The following TRIM44 variants were observed in gnomAD, a reference collection of about 807,000 sequenced individuals.
TRIM44 encodes tripartite motif containing 44, also known as tripartite motif-containing protein 44.
TRIM44 carries 13 observed loss-of-function variants against 37.4 expected under a neutral mutation model. That is an observed-to-expected ratio of 0.35 (90% CI 0.23 to 0.55). TRIM44 has a LOEUF of 0.55. Ranked by LOEUF, TRIM44 falls within the 20% of genes least tolerant of loss-of-function variation. The pLI is 0.89. For missense variants in TRIM44, 426 were observed against 437.2 expected, an observed-to-expected ratio of 0.97 and a Z score of 0.23; for synonymous variants, 175 against 157.2, an observed-to-expected ratio of 1.11 and a Z score of -0.85.
At chr11:35,676,921 G>A (rs190749163) in intron 1 of TRIM44, among the ~76,000 whole-genome samples, 1 of 152,214 alleles carries the variant, frequency 6.6e-6, no homozygotes, top group African/African-American at 2.4e-5. Flanking sequence ...TGAATTTTGA[G>A]ACTGTTGTTT....
rs533690046 is a variant in TRIM44 at position 35,758,391 on chromosome 11, G to A, written c.1007+22946G>A. Among the ~76,000 whole-genome samples the A allele has an allele frequency of 1.6e-4, 25 of 152,264 alleles. No homozygotes were observed. In the South Asian group the frequency reaches 2.9e-3, roughly 18 times the overall value. ...ATCCCTTTATTTTGAGCCTATGTGT[G>A]TCTCTGCATGTGAGATGGGTTTCCT... On this transcript the variant is annotated intron_variant, in intron 4 of 4. Coordinates refer to ENST00000299413, the MANE Select transcript of TRIM44 (RefSeq NM_017583.6).
intron 3 of TRIM44, among the ~76,000 whole-genome samples, chr11:35,731,803 T>C (rs1241084574): frequency 6.6e-6 from 1 of 152,190 alleles, no homozygotes; most frequent in East Asian, 1.9e-4. Context: ...GGGTAAACCA[T>C]TAAAAATGAT....
At chr11:35,723,504 G>A (rs1038998977) in intron 2 of TRIM44, among the ~76,000 whole-genome samples, 26 of 152,284 alleles carry the variant, frequency 1.7e-4, no homozygotes, top group African/African-American at 5.3e-4. Flanking sequence ...GTGGGAAAAA[G>A]GCATAAAGGT....
At chr11:35,710,452 A>G (rs1428960758) in intron 2 of TRIM44, among the ~76,000 whole-genome samples, 1 of 152,186 alleles carries the variant, frequency 6.6e-6, no homozygotes, top group Non-Finnish European at 1.5e-5. Flanking sequence ...CAAGAGAAAA[A>G]CAAGTTTATT....
intron 2 of TRIM44, among the ~76,000 whole-genome samples, chr11:35,696,705 GGCATCATGGT>G (rs1255625669): frequency 1.3e-5 from 2 of 151,744 alleles, no homozygotes; most frequent in Admixed American, 6.6e-5. Context: ...AAATTAGCTG[GGCATCATGGT>G]GCATGCCTGT....
chr11:35,700,959 A>G (rs1355974274), intron 2 of TRIM44, among the ~76,000 whole-genome samples: 2 of 152,212 alleles, frequency 1.3e-5, no homozygotes, highest in East Asian at 3.8e-4. Flanking sequence ...CACACACGAT[A>G]CATGTATAAC....
rs1326685614 is a variant in TRIM44 at position 35,811,319 on chromosome 11, T to G, written c.*4934T>G. On this transcript the variant is annotated 3_prime_UTR_variant, in exon 5 of 5. Transcript: ENST00000299413. Reference sequence around the variant, plus strand: ...CCTAGATTACATTTTATGAGCAACTTAGATTATAACCTAAAGAATACTTGG... The same window carrying G: ...CCTAGATTACATTTTATGAGCAACTGAGATTATAACCTAAAGAATACTTGG... 6.6e-6 allele frequency: 1 copy of G among 152,196 alleles called. No homozygotes were observed. Among genetic ancestry groups the G allele is most frequent in the Non-Finnish European group, 1.5e-5 (1 of 68,038 alleles). The allele number at this position is 152,196 out of a possible 1,614,324, so 9.4% of individuals were successfully genotyped here.
At chr11:35,741,992 A>G (rs1852403142) in intron 4 of TRIM44, among the ~76,000 whole-genome samples, 1 of 152,150 alleles carries the variant, frequency 6.6e-6, no homozygotes, top group Non-Finnish European at 1.5e-5. Flanking sequence ...GTGTAATAGT[A>G]CAATCACAGC....
chr11:35,780,653 A>G (rs1421305719), intron 4 of TRIM44, among the ~76,000 whole-genome samples: 1 of 152,246 alleles, frequency 6.6e-6, no homozygotes, highest in African/African-American at 2.4e-5. Flanking sequence ...GCCAATATTC[A>G]TACATGTTGT....
intron 4 of TRIM44, among the ~76,000 whole-genome samples, chr11:35,780,793 A>C (rs1853053122): frequency 6.9e-6 from 1 of 144,302 alleles, no homozygotes; most frequent in Non-Finnish European, 1.5e-5. Flanking sequence ...AAGGAAACTT[A>C]AGGCAATCAA....
intron 4 of TRIM44, among the ~76,000 whole-genome samples, chr11:35,739,096 T>G (rs1852360718): frequency 6.6e-6 from 1 of 152,200 alleles, no homozygotes; most frequent in Admixed American, 6.5e-5. Context: ...ATGTTGTGCT[T>G]TTAGTCATGT....
chr11:35,718,403 T>G (rs1852062902), intron 2 of TRIM44, among the ~76,000 whole-genome samples: 1 of 152,188 alleles, frequency 6.6e-6, no homozygotes, highest in Non-Finnish European at 1.5e-5. Context: ...CAACATAATA[T>G]TAACATTTTA....
intron 2 of TRIM44, among the ~76,000 whole-genome samples, chr11:35,717,735 A>T (rs1319559949): frequency 6.6e-6 from 1 of 152,184 alleles, no homozygotes; most frequent in Non-Finnish European, 1.5e-5. Context: ...GAACAGAGGA[A>T]AGCACCAAGA....
intron 2 of TRIM44, among the ~76,000 whole-genome samples, chr11:35,708,542 GA>G (rs1245361859): frequency 1.3e-5 from 2 of 151,816 alleles, no homozygotes; most frequent in African/African-American, 4.9e-5. Flanking sequence ...ACTGGATTAA[GA>G]AAATGTGGCA....
intron 4 of TRIM44, among the ~76,000 whole-genome samples, chr11:35,778,681 C>G (rs1486107413): frequency 1.3e-5 from 2 of 152,310 alleles, no homozygotes; most frequent in East Asian, 3.9e-4. Flanking sequence ...CTCCTTCTAA[C>G]AGTCAGGACC....
chr11:35,708,696 G>T (rs1425951155), intron 2 of TRIM44, among the ~76,000 whole-genome samples: 3 of 151,730 alleles, frequency 2.0e-5, no homozygotes, highest in Non-Finnish European at 4.4e-5. Context: ...TCACTCACAG[G>T]TGGGAATTGA....
intron 2 of TRIM44, among the ~76,000 whole-genome samples, chr11:35,708,906 TATA>T (rs1027299105): frequency 5.2e-4 from 78 of 150,518 alleles, no homozygotes; most frequent in African/African-American, 1.8e-3. Flanking sequence ...AAACTTAAAA[TATA>T]ATAATAATAA....
intron 2 of TRIM44, among the ~76,000 whole-genome samples, chr11:35,697,451 T>G (rs1166348551): frequency 6.7e-6 from 1 of 149,206 alleles, no homozygotes; most frequent in Non-Finnish European, 1.5e-5. Flanking sequence ...GTTTTCTTTT[T>G]TTTTTTTAAT....
chr11:35,787,567 G>C (rs1188422986), intron 4 of TRIM44, among the ~76,000 whole-genome samples: 1 of 152,122 alleles, frequency 6.6e-6, no homozygotes, highest in African/African-American at 2.4e-5. Context: ...GCAAATGGAA[G>C]AAAAATACAA....
Sources: gnomAD v4.1 joint callset for allele counts (sites outside exome capture counted in the v4.1 genomes callset) on GRCh38, gnomAD v4.1.1 for gene constraint, MANE v1.5 for transcripts, NCBI Gene and HGNC (gene_info 2026-07-23, HGNC 2026-07-21) for gene names.